ZNF609: variants seen among roughly 807,000 people sequenced by gnomAD.
The protein encoded by ZNF609 is zinc finger protein 609.
A neutral mutation model predicts 109.5 loss-of-function variants in ZNF609; 11 were observed. The ratio of observed to expected loss-of-function variants is 0.10; its 90% CI spans 0.06 to 0.17. ZNF609 has a LOEUF of 0.17. Ranked by LOEUF, ZNF609 falls within the 10% of genes least tolerant of loss-of-function variation. The probability of loss-of-function intolerance (pLI) is 1.00; values close to 1 mark genes in which losing one functional copy is unlikely to be tolerated. For missense variants in ZNF609, 1,559 were observed against 1,772.4 expected (o/e 0.88, Z 2.16); for synonymous variants, 646 against 662.0 (o/e 0.98, Z 0.37).
At chr15:64,514,586 C>T (rs972197208) in intron 2 of ZNF609, among the ~76,000 whole-genome samples, 2 of 152,064 alleles carry the variant, frequency 1.3e-5, no homozygotes, top group African/African-American at 2.4e-5. Context: ...TTGAGGTATA[C>T]CTTTCACCTT....
intron 1 of ZNF609, among the ~76,000 whole-genome samples, chr15:64,472,827 G>A (rs773708478): frequency 3.3e-5 from 5 of 152,108 alleles, no homozygotes; most frequent in Non-Finnish European, 7.4e-5. Flanking sequence ...AGCCTGGGCA[G>A]CAGTGAGACC....
chr15:64,538,063 G>A (rs1304217949), intron 2 of ZNF609, among the ~76,000 whole-genome samples: 2 of 151,508 alleles, frequency 1.3e-5, no homozygotes, highest in East Asian at 1.9e-4. Flanking sequence ...CCGAGATCGC[G>A]CCATTGCACT....
At chr15:64,544,865 G>A (rs1894329527) in intron 2 of ZNF609, among the ~76,000 whole-genome samples, 3 of 152,206 alleles carry the variant, frequency 2.0e-5, no homozygotes, top group Admixed American at 2.0e-4. Context: ...CCAAGTCAGT[G>A]CTTTCTCCTC....
chr15:64,477,613 G>A (rs1347742618), intron 1 of ZNF609, among the ~76,000 whole-genome samples: 1 of 143,586 alleles, frequency 7.0e-6, no homozygotes, highest in Non-Finnish European at 1.5e-5. Flanking sequence ...GGAATGGAAT[G>A]TCTTATTTCC....
At chr15:64,615,488 CTTT>C (rs11294961) in intron 2 of ZNF609, among the ~76,000 whole-genome samples, 7 of 139,060 alleles carry the variant, frequency 5.0e-5, no homozygotes, top group African/African-American at 5.3e-5. Context: ...TGATGACATC[CTTT>C]TTTTTTTTTT....
chr15:64,464,645 T>C (rs1892985281), intron 1 of ZNF609, among the ~76,000 whole-genome samples: 1 of 151,634 alleles, frequency 6.6e-6, no homozygotes, highest in Non-Finnish European at 1.5e-5. Context: ...GTATTAAATA[T>C]GCCTTCATGA....
intron 3 of ZNF609, among the ~76,000 whole-genome samples, chr15:64,634,698 C>G (rs1896145974): frequency 1.3e-5 from 2 of 152,152 alleles, no homozygotes; most frequent in Non-Finnish European, 2.9e-5. Flanking sequence ...ACCAAGCTTT[C>G]TCCACTGTTT....
intron 2 of ZNF609, among the ~76,000 whole-genome samples, chr15:64,600,597 C>G (rs1302305273): frequency 7.2e-6 from 1 of 138,570 alleles, no homozygotes; most frequent in Non-Finnish European, 1.5e-5. Context: ...GATTGTGCCA[C>G]TGTACCCCAG....
chr15:64,499,190 T>C, intron 1 of ZNF609, 103 bp from the exon 2 acceptor site: 2 of 516,580 alleles, frequency 3.9e-6, no homozygotes, highest in South Asian at 5.6e-5. Context: ...TGTTGTGATA[T>C]GATAGCCCCA....
intron 1 of ZNF609, among the ~76,000 whole-genome samples, chr15:64,466,189 G>T (rs1469044429): frequency 6.6e-6 from 1 of 150,760 alleles, no homozygotes; most frequent in Admixed American, 6.6e-5. Context: ...GACTATTTGA[G>T]GTTTTCTGAA....
At chr15:64,652,066 G>C (rs1197010253) in intron 3 of ZNF609, among the ~76,000 whole-genome samples, 4 of 152,080 alleles carry the variant, frequency 2.6e-5, no homozygotes, top group Non-Finnish European at 5.9e-5. Context: ...TAGAGACCAA[G>C]TCTCTCTCTG....
chr15:64,586,111 G>A (rs527901376), intron 2 of ZNF609, among the ~76,000 whole-genome samples: 1 of 152,244 alleles, frequency 6.6e-6, no homozygotes, highest in Admixed American at 6.5e-5. Context: ...GATCACCTGA[G>A]GTCAGGAGTT....
At chr15:64,468,708 G>T (rs1401033450) in intron 1 of ZNF609, among the ~76,000 whole-genome samples, 1 of 152,092 alleles carries the variant, frequency 6.6e-6, no homozygotes, top group Non-Finnish European at 1.5e-5. Context: ...GAGCCACAAT[G>T]CCTGGCTAGT....
intron 3 of ZNF609, among the ~76,000 whole-genome samples, chr15:64,627,561 G>A (rs1205974576): frequency 6.6e-6 from 1 of 151,504 alleles, no homozygotes; most frequent in Non-Finnish European, 1.5e-5. Flanking sequence ...TTATGACCTT[G>A]GAAAAATCCC....
At chr15:64,463,399 TAAA>T (rs34188401) in intron 1 of ZNF609, among the ~76,000 whole-genome samples, 8 of 140,686 alleles carry the variant, frequency 5.7e-5, no homozygotes, top group South Asian at 2.3e-4. Context: ...ACCTTGTCTT[TAAA>T]AAAAAAAAAA....
chr15:64,561,616 G>C (rs929622389), intron 2 of ZNF609, among the ~76,000 whole-genome samples: 2 of 145,550 alleles, frequency 1.4e-5, no homozygotes, highest in African/African-American at 2.6e-5. Context: ...GGCTAGCCAC[G>C]AACTCCTGGG....
At chr15:64,532,488 C>A (rs1003610722) in intron 2 of ZNF609, among the ~76,000 whole-genome samples, 2 of 152,122 alleles carry the variant, frequency 1.3e-5, no homozygotes, top group African/African-American at 2.4e-5. Flanking sequence ...ATGGTAAATA[C>A]TAATCTCATT....
chr15:64,676,017 A>G lies in ZNF609; in HGVS notation c.3163A>G (p.Ser1055Gly). The G allele has an allele frequency of 6.2e-7, 1 of 1,614,260 alleles. No individual in the cohort carries two copies. The highest frequency in any genetic ancestry group is 8.5e-7 in the Non-Finnish European group (1 of 1,180,042). ...TCCACCAACTCTCACCAAGGCCCCC[A>G]GCCTGACAGACCTGGTGAAATCAGG... ...SIPPTLTKAP[S>G]LTDLVKSGPG... Residue 1055 changes from serine (S) to glycine (G), a missense_variant, in exon 5 of 10, where the codon AGC becomes GGC. Physicochemically the swap from Ser to Gly is moderately conservative, Grantham distance 56. Coordinates refer to ENST00000326648, the MANE Select transcript of ZNF609 (RefSeq NM_015042.2).
intron 1 of ZNF609, among the ~76,000 whole-genome samples, chr15:64,496,021 G>A (rs375946471): frequency 1.1e-3 from 171 of 152,138 alleles, no homozygotes; most frequent in Admixed American, 3.0e-3. Flanking sequence ...GTTTCACCAT[G>A]TTGGCCAGGC....
Sources: gnomAD v4.1 joint callset for allele counts (sites outside exome capture counted in the v4.1 genomes callset) on GRCh38, gnomAD v4.1.1 for gene constraint, MANE v1.5 for transcripts, NCBI Gene and HGNC (gene_info 2026-07-23, HGNC 2026-07-21) for gene names.